DLC1: variants seen among roughly 807,000 people sequenced by gnomAD.
DLC1 encodes DLC1 Rho GTPase activating protein, also known as rho GTPase-activating protein 7.
In DLC1, 54 loss-of-function variants were observed where a neutral mutation model predicts 140.3. The ratio of observed to expected loss-of-function variants is 0.38; its 90% CI spans 0.31 to 0.48. DLC1 has a LOEUF of 0.48. Among genes scored for constraint, DLC1 ranks in the 20% least tolerant of loss-of-function variants. The pLI, the probability that DLC1 is intolerant of heterozygous loss-of-function variation, is 0.96. For missense variants in DLC1, 2,536 were observed against 1,907.0 expected, an observed-to-expected ratio of 1.33 and a Z score of -6.14; for synonymous variants, 986 against 728.1, an observed-to-expected ratio of 1.35 and a Z score of -5.70.
At chr8:13,092,968 C>A (rs887553330) in intron 12 of DLC1, 143 bp from the exon 13 acceptor site, 1 of 910,538 alleles carries the variant, frequency 1.1e-6, no homozygotes. Context: ...GAGGTTAATA[C>A]GGTAAAAGTT....
chr8:13,298,068 T>G (rs1832036439), intron 5 of DLC1, among the ~76,000 whole-genome samples: 1 of 152,198 alleles, frequency 6.6e-6, no homozygotes, highest in Admixed American at 6.5e-5. Context: ...ATTTCTATTT[T>G]CTGTCTTATG....
chr8:13,474,723 C>A (rs570908161), intron 2 of DLC1, among the ~76,000 whole-genome samples: 1 of 152,182 alleles, frequency 6.6e-6, no homozygotes, highest in Non-Finnish European at 1.5e-5. Context: ...CAAAGAAGAT[C>A]GCTTTGGAGT....
chr8:13,441,220 G>A (rs1426699839), intron 2 of DLC1, among the ~76,000 whole-genome samples: 2 of 152,092 alleles, frequency 1.3e-5, no homozygotes, highest in African/African-American at 2.4e-5. Context: ...AAAATAATAA[G>A]AGCTATCTAT....
intron 4 of DLC1, among the ~76,000 whole-genome samples, chr8:13,330,821 G>A (rs533226304): frequency 6.6e-6 from 1 of 152,292 alleles, no homozygotes; most frequent in African/African-American, 2.4e-5. Flanking sequence ...TCTACAAACT[G>A]AACATGACTC....
chr8:13,152,653 T>A (rs980891921), intron 5 of DLC1, among the ~76,000 whole-genome samples: 1 of 151,406 alleles, frequency 6.6e-6, no homozygotes, highest in African/African-American at 2.4e-5. Flanking sequence ...ATAATAATAA[T>A]AAAATTAGCC....
chr8:13,395,045 C>A (rs1289942702), intron 3 of DLC1, among the ~76,000 whole-genome samples: 1 of 150,662 alleles, frequency 6.6e-6, no homozygotes, highest in African/African-American at 2.4e-5. Context: ...ATCTATCTAT[C>A]TATCTATTAG....
chr8:13,486,028 C>A (rs1373940979), intron 2 of DLC1, among the ~76,000 whole-genome samples: 2 of 152,176 alleles, frequency 1.3e-5, no homozygotes, highest in African/African-American at 2.4e-5. Context: ...AAATACTTTT[C>A]AGCTTGTTTA....
Position 13,098,325 on chromosome 8 carries a change from T to C in DLC1, c.3167+74A>G, listed in dbSNP as rs1277629695. 37 of 1,538,918 alleles carry C rather than the reference T, an allele frequency of 2.4e-5. 1 individual carries two copies. The highest frequency in any genetic ancestry group is 5.3e-6 in the Non-Finnish European group (6 of 1,128,656). On this transcript the variant is annotated intron_variant, in intron 10 of 17. Transcript: ENST00000276297. Reference sequence around the variant, plus strand: ...AAAGGAGAGAAGTGTCATTTTTTACTGTGGGGACAACCTCAAGGAACTGAC... The same window carrying C: ...AAAGGAGAGAAGTGTCATTTTTTACCGTGGGGACAACCTCAAGGAACTGAC...
At chr8:13,478,668 T>C (rs180915371) in intron 2 of DLC1, among the ~76,000 whole-genome samples, 16 of 152,318 alleles carry the variant, frequency 1.1e-4, no homozygotes, top group Admixed American at 1.0e-3. Context: ...CTGTCTCTCC[T>C]CAGGTATCAA....
intron 2 of DLC1, among the ~76,000 whole-genome samples, chr8:13,470,167 G>T (rs1800141996): frequency 1.3e-5 from 2 of 152,108 alleles, no homozygotes; most frequent in Non-Finnish European, 2.9e-5. Flanking sequence ...TGGAAAGGAA[G>T]AAAGCATATT....
chr8:13,244,297 A>ATT (rs60357765), intron 5 of DLC1, among the ~76,000 whole-genome samples: 48 of 135,984 alleles, frequency 3.5e-4, no homozygotes, highest in Non-Finnish European at 4.7e-4. Context: ...TCCCTTTCCA[A>ATT]TTTTTTTTTT....
intron 1 of DLC1, among the ~76,000 whole-genome samples, chr8:13,587,631 C>G (rs1050802825): frequency 7.7e-6 from 1 of 129,794 alleles, no homozygotes; most frequent in Non-Finnish European, 1.7e-5. Context: ...ATATACATTG[C>G]CTATATATAT....
At chr8:13,297,190 C>G (rs1831989997) in intron 5 of DLC1, among the ~76,000 whole-genome samples, 1 of 143,124 alleles carries the variant, frequency 7.0e-6, no homozygotes, top group South Asian at 2.2e-4. Flanking sequence ...GATTAGTTTA[C>G]ATTAAGTTTT....
rs780070353 is a variant in DLC1 at position 13,099,842 on chromosome 8, T to C, written c.2495A>G (p.Asn832Ser). Reference protein sequence around the residue: ...LTNGSFSPSGNNGSVNWRTGS... With the variant: ...LTNGSFSPSGSNGSVNWRTGS... ...CGTCCTCCAGTTCACAGAGCCGTTA[T>C]TCCCCGAGGGGGAGAAACTGCCATT... is the stretch of plus-strand genomic sequence containing the variant. Residue 832 changes from asparagine (N) to serine (S), a missense_variant, in exon 9 of 18, where the codon AAT becomes AGT. Asn to Ser is a conservative substitution (Grantham distance 46). Transcript: ENST00000276297. 1.2e-6 allele frequency: 2 copies of C among 1,614,198 alleles called. No individual in the cohort carries two copies. The highest frequency in any genetic ancestry group is 1.7e-6 in the Non-Finnish European group (2 of 1,180,040).
chr8:13,210,531 G>T (rs900168385), intron 5 of DLC1, among the ~76,000 whole-genome samples: 10 of 152,182 alleles, frequency 6.6e-5, no homozygotes, highest in Non-Finnish European at 2.9e-5. Flanking sequence ...GAAGCAATAA[G>T]ATTTGCTCTT....
intron 1 of DLC1, among the ~76,000 whole-genome samples, chr8:13,534,844 T>C (rs935644326): frequency 3.9e-5 from 6 of 152,084 alleles, no homozygotes. Context: ...ACTTCATGAG[T>C]CTTTGAGGAA....
At chr8:13,087,993 C>T (rs1047231151) in intron 16 of DLC1, among the ~76,000 whole-genome samples, 6 of 152,242 alleles carry the variant, frequency 3.9e-5, no homozygotes, top group African/African-American at 1.4e-4. Context: ...AGAGTTCAGA[C>T]CATTCTCAGC....
chr8:13,276,687 T>C, intron 5 of DLC1: 1 of 911,664 alleles, frequency 1.1e-6, no homozygotes, highest in Non-Finnish European at 1.4e-6. Context: ...TGCAACCCAA[T>C]GACTCACCTG....
intron 5 of DLC1, among the ~76,000 whole-genome samples, chr8:13,181,132 C>T (rs889639492): frequency 6.6e-6 from 1 of 151,944 alleles, no homozygotes; most frequent in Admixed American, 6.6e-5. Flanking sequence ...CCCATGGTGT[C>T]CCCCTTGTTG....
Sources: gnomAD v4.1 joint callset for allele counts (sites outside exome capture counted in the v4.1 genomes callset) on GRCh38, gnomAD v4.1.1 for gene constraint, MANE v1.5 for transcripts, NCBI Gene and HGNC (gene_info 2026-07-23, HGNC 2026-07-21) for gene names.